KIF13B: variants seen among roughly 807,000 people sequenced by gnomAD.
KIF13B encodes the protein kinesin-like protein KIF13B.
Under a neutral mutation model 222.0 loss-of-function variants are expected in KIF13B, and 127 were observed. The observed-to-expected ratio is 0.57, with a 90% CI of 0.50 to 0.66. The LOEUF is 0.66. Ranked by LOEUF, KIF13B falls within the 30% of genes least tolerant of loss-of-function variation. The pLI is 0.00. For missense variants in KIF13B, 2,173 were observed against 2,379.0 expected (o/e 0.91, Z 1.80); for synonymous variants, 976 against 919.0 (o/e 1.06, Z -1.12).
In KIF13B at chr8:29,134,896, A is replaced by G. The variant is rs574606152; in HGVS notation, c.2614-686T>C. Among the ~76,000 whole-genome samples, 5 of 152,276 alleles carry G rather than the reference A, an allele frequency of 3.3e-5. No homozygotes were observed. The East Asian group carries it at 9.6e-4, about 29-fold the overall frequency. On this transcript the variant is annotated intron_variant, in intron 21 of 39. Coordinates refer to ENST00000524189, the MANE Select transcript of KIF13B (RefSeq NM_015254.4). ...ATTTGGGGGAAGGTGTATCAAAGGA[A>G]GCGTGCTCCGGACCAGGAGGGCAGG...
chr8:29,177,633 G>A (rs945329715), intron 8 of KIF13B, 55 bp from the exon 9 acceptor site: 10 of 1,178,490 alleles, frequency 8.5e-6, no homozygotes, highest in East Asian at 2.3e-5. Context: ...CAGGTGTGGT[G>A]GCTCATGCCA....
chr8:29,071,733 C>T lies in KIF13B; in HGVS notation c.5105G>A (p.Arg1702Gln). ...EEADEVPEWL[R>Q]EGEFVTVGAH... The stretch of plus-strand genomic sequence containing the variant: ...GCCCACGGTGACGAACTCGCCCTCT[C>T]GGAGCCACTCCGGGACCTCGTCAGC... Residue 1702 changes from arginine (R) to glutamine (Q), a missense_variant, in exon 39 of 40, where the codon CGA (arginine) becomes CAA (glutamine). Physicochemically the swap from Arg to Gln is conservative, Grantham distance 43. Around this residue, in one of 2 missense-constraint regions of KIF13B, gnomAD observed 693 missense variants for 656.2 expected, o/e 1.06. Coordinates refer to ENST00000524189, the MANE Select transcript of KIF13B (RefSeq NM_015254.4). This position sits in a 1 kb window ranked among gnomAD's most constrained non-coding sequence, Gnocchi z 4.9. The T allele has an allele frequency of 5.2e-6, 8 of 1,549,982 alleles. No individual in the cohort carries two copies. Among genetic ancestry groups the T allele is most frequent in the Middle Eastern group, 3.3e-4 (2 of 5,992 alleles).
intron 21 of KIF13B, among the ~76,000 whole-genome samples, chr8:29,135,333 C>T (rs548342892): frequency 3.9e-5 from 6 of 152,270 alleles, no homozygotes; most frequent in African/African-American, 1.4e-4. Context: ...ACATGAGCCA[C>T]GATGCCTGGC....
chr8:29,169,805 A>T (rs1812158833), intron 10 of KIF13B, among the ~76,000 whole-genome samples: 1 of 152,182 alleles, frequency 6.6e-6, no homozygotes, highest in Non-Finnish European at 1.5e-5. Context: ...GATATAACGA[A>T]AGCACAGGAA....
At chr8:29,112,358 G>A (rs1193855910) in intron 32 of KIF13B, among the ~76,000 whole-genome samples, 1 of 151,186 alleles carries the variant, frequency 6.6e-6, no homozygotes, top group South Asian at 2.1e-4. Flanking sequence ...ACTTGAACCC[G>A]GGAGTCGGAG....
At chr8:29,125,354 G>C (rs1263540659) in intron 26 of KIF13B, among the ~76,000 whole-genome samples, 1 of 152,158 alleles carries the variant, frequency 6.6e-6, no homozygotes, top group Non-Finnish European at 1.5e-5. Context: ...TGCAGATATA[G>C]TGTGTCTGGG....
At chr8:29,205,561 C>A (rs1483956648) in intron 2 of KIF13B, among the ~76,000 whole-genome samples, 2 of 152,126 alleles carry the variant, frequency 1.3e-5, no homozygotes, top group Non-Finnish European at 2.9e-5. Context: ...CGTGTCAGGG[C>A]TATATTACAG....
chr8:29,175,320 ACATGTTATCACCATCTCTGT>A (rs1812428126), intron 10 of KIF13B, among the ~76,000 whole-genome samples: 1 of 152,176 alleles, frequency 6.6e-6, no homozygotes, highest in Non-Finnish European at 1.5e-5. Context: ...GACTCCTATT[ACATGTTATCACCATCTCTGT>A]CATGGATCTA....
intron 35 of KIF13B, among the ~76,000 whole-genome samples, chr8:29,105,235 T>C (rs1808997802): frequency 6.6e-6 from 1 of 151,756 alleles, no homozygotes; most frequent in Non-Finnish European, 1.5e-5. Context: ...CCTCCCAAAC[T>C]ACTGAGATTA....
At chr8:29,197,613 G>A (rs1320191144) in intron 2 of KIF13B, among the ~76,000 whole-genome samples, 2 of 151,968 alleles carry the variant, frequency 1.3e-5, no homozygotes, top group Non-Finnish European at 2.9e-5. Flanking sequence ...CAATCCGGGT[G>A]TCCAAAACAC....
Position 29,071,485 on chromosome 8 carries a change from C to T in KIF13B, c.5218+135G>A. ...CTCACCCCTGCAGGCCCAGCCGCTC[C>T]CGCAGCTTCAGCCAAGCCGCTGCCT... On this transcript the variant is annotated intron_variant, in intron 39 of 39. Transcript: ENST00000524189. This position sits in a 1 kb window ranked among gnomAD's most constrained non-coding sequence, Gnocchi z 4.9. 1.3e-6 allele frequency: 1 copy of T among 757,052 alleles called. No individual in the cohort carries two copies. Among genetic ancestry groups the T allele is most frequent in the Non-Finnish European group, 2.1e-6 (1 of 465,266 alleles). 46.9% of individuals were successfully genotyped at this position (757,052 alleles called of 1,614,324 possible).
In KIF13B at chr8:29,108,168, T is replaced by C. The variant is rs1285758574; in HGVS notation, c.4186A>G (p.Ile1396Val). 7 of 1,612,508 alleles carry C rather than the reference T, an allele frequency of 4.3e-6. No homozygotes were observed. Among genetic ancestry groups the C allele is most frequent in the Non-Finnish European group, 5.9e-6 (7 of 1,179,294 alleles). ...NRLSGSRQDL[I>V]PSYSLGSNKG... ...TTGCTGCCTAGACTGTATGATGGAA[T>C]GAGATCTTGTCGGCTTCCAGACAAC... The change falls in exon 35 of 40, where the codon ATT (isoleucine) becomes GTT (valine). Residue 1396 changes from isoleucine to valine, a missense_variant. Physicochemically the swap from Ile to Val is conservative, Grantham distance 29. This residue lies in a region of KIF13B where 693 missense variants were observed against 656.2 expected (regional missense o/e 1.06). Transcript: ENST00000524189.
chr8:29,200,493 T>C (rs1473980993), intron 2 of KIF13B, among the ~76,000 whole-genome samples: 1 of 152,188 alleles, frequency 6.6e-6, no homozygotes, highest in African/African-American at 2.4e-5. Context: ...CTTTCAGGCT[T>C]ACAAAAAGCT....
intron 37 of KIF13B, among the ~76,000 whole-genome samples, chr8:29,088,049 C>T (rs563184137): frequency 9.2e-5 from 14 of 152,184 alleles, no homozygotes; most frequent in South Asian, 2.1e-4. Context: ...AGGCGGATCA[C>T]GACATCAAGA....
chr8:29,245,365 G>T lies in KIF13B; in HGVS notation c.130C>A (p.Leu44Ile), dbSNP rs1458974369. The T allele has an allele frequency of 6.3e-7, 1 of 1,597,674 alleles. No homozygotes were observed. Among genetic ancestry groups the T allele is most frequent in the Non-Finnish European group, 8.5e-7 (1 of 1,170,956 alleles). ...ACTCACCGGGCATCTCCTTTGGAAA[G>T]ATTCGTATTTACAGGATTAAGAATA... is the stretch of plus-strand genomic sequence containing the variant. ...KVILNPVNTN[L>I]SKGDARGQPK... The change falls in exon 2 of 40, where the codon CTT becomes ATT. Residue 44 changes from leucine to isoleucine, a missense_variant. Leu to Ile is a conservative substitution (Grantham distance 5, BLOSUM62 2). This residue lies in a region of KIF13B where 1,480 missense variants were observed against 1,722.8 expected (regional missense o/e 0.86). Transcript: ENST00000524189.
At chr8:29,253,828 C>CA (rs1163069689) in intron 1 of KIF13B, among the ~76,000 whole-genome samples, 3,179 of 21,506 alleles carry the variant, frequency 0.15, 785 homozygotes, top group Non-Finnish European at 0.19. Context: ...GAGACTGTCT[C>CA]AAAAAAAAAA....
intron 22 of KIF13B, among the ~76,000 whole-genome samples, chr8:29,133,829 C>T (rs1363169912): frequency 6.6e-6 from 1 of 152,198 alleles, no homozygotes; most frequent in Non-Finnish European, 1.5e-5. Context: ...TGCATATATA[C>T]ATACATATGT....
At chr8:29,259,300 C>T (rs570687508) in intron 1 of KIF13B, among the ~76,000 whole-genome samples, 75 of 152,194 alleles carry the variant, frequency 4.9e-4, no homozygotes, top group Non-Finnish European at 1.0e-3. Context: ...GCCAAGTAAA[C>T]TCATTTGAAA....
intron 5 of KIF13B, among the ~76,000 whole-genome samples, chr8:29,187,011 C>T (rs1812965074): frequency 6.6e-6 from 1 of 151,438 alleles, no homozygotes; most frequent in East Asian, 1.9e-4. Context: ...TTTAATCATC[C>T]TCATACTTTA....
Sources: allele counts gnomAD v4.1 joint callset (sites outside exome capture counted in the v4.1 genomes callset), GRCh38; gene constraint gnomAD v4.1.1; regional missense constraint gnomAD v4.1.1; non-coding constraint Gnocchi (gnomAD v3.1); transcripts MANE v1.5; gene names NCBI Gene and HGNC (gene_info 2026-07-23, HGNC 2026-07-21).